Variants in ZNF420 observed in about 807,000 individuals in gnomAD.
ZNF420 encodes the protein ATM and p53-associated KZNF protein.
ZNF420 carries 31 observed loss-of-function variants against 44.7 expected under a neutral mutation model. The observed-to-expected ratio is 0.69, with a 90% CI of 0.52 to 0.94. The LOEUF is 0.94. ZNF420 is among the 40% of genes least tolerant of loss of function. The pLI, the probability that ZNF420 is intolerant of heterozygous loss-of-function variation, is 0.00. For synonymous variants in ZNF420, 245 were observed against 267.4 expected, an observed-to-expected ratio of 0.92 and a Z score of 0.82; for missense variants, 681 against 827.9, an observed-to-expected ratio of 0.82 and a Z score of 2.18.
intron 1 of ZNF420, among the ~76,000 whole-genome samples, chr19:37,045,767 T>C (rs1377046607): frequency 1.3e-5 from 2 of 152,242 alleles, no homozygotes; most frequent in Non-Finnish European, 2.9e-5. Flanking sequence ...GCCTTGTATT[T>C]ATTGATCTTT....
At chr19:37,056,994 C>G (rs1168887748) in intron 1 of ZNF420, among the ~76,000 whole-genome samples, 1 of 152,280 alleles carries the variant, frequency 6.6e-6, no homozygotes, top group Non-Finnish European at 1.5e-5. Context: ...GTCGGCCTAG[C>G]CAATGCGCAT....
intron 1 of ZNF420, among the ~76,000 whole-genome samples, chr19:37,070,097 A>G (rs1968031930): frequency 6.6e-6 from 1 of 152,078 alleles, no homozygotes; most frequent in Non-Finnish European, 1.5e-5. Context: ...TGAATAATGA[A>G]TTCCCAACAT....
chr19:37,034,535 T>C lies in ZNF420; in HGVS notation c.-125+26453T>C, dbSNP rs149709233. ...TTTTTTTCTTTTGTTGCCCACACTT[T>C]TGGTGTCAGACAGCTTTTAGTTTAC... On this transcript the variant is annotated intron_variant, in intron 1 of 4. Coordinates refer to the ZNF420 transcript ENST00000587029. Among the ~76,000 whole-genome samples, 943 of 152,332 alleles carry C rather than the reference T, an allele frequency of 6.2e-3. 28 individuals carry two copies. Among genetic ancestry groups the C allele is most frequent in the East Asian group, 0.05 (258 of 5,188 alleles).
intron 1 of ZNF420, among the ~76,000 whole-genome samples, chr19:37,060,076 T>A (rs953222683): frequency 5.9e-5 from 9 of 151,808 alleles, no homozygotes; most frequent in Non-Finnish European, 1.3e-4. Context: ...GCACTTCGGG[T>A]TTTTGAAGGC....
At chr19:37,102,152 C>A (rs73930905) in intron 4 of ZNF420, among the ~76,000 whole-genome samples, 1 of 152,014 alleles carries the variant, frequency 6.6e-6, no homozygotes, top group African/African-American at 2.4e-5. Flanking sequence ...GCTGATGAGC[C>A]CATCTCAGCC....
chr19:37,052,728 T>G (rs1967662155), intron 1 of ZNF420, among the ~76,000 whole-genome samples: 1 of 152,212 alleles, frequency 6.6e-6, no homozygotes, highest in Non-Finnish European at 1.5e-5. Flanking sequence ...TGCCAAGAGA[T>G]CAGCTGTTAG....
intron 1 of ZNF420, among the ~76,000 whole-genome samples, chr19:37,054,540 C>A (rs1967706619): frequency 6.6e-6 from 1 of 152,212 alleles, no homozygotes; most frequent in South Asian, 2.1e-4. Flanking sequence ...TCTATGAAGA[C>A]AAAACCACAG....
chr19:37,084,317 A>T (rs1968635298), intron 2 of ZNF420, among the ~76,000 whole-genome samples: 1 of 152,158 alleles, frequency 6.6e-6, no homozygotes, highest in Non-Finnish European at 1.5e-5. Context: ...ATGCACAGAT[A>T]AGTTTGTTTC....
chr19:37,063,534 GC>G, intron 1 of ZNF420, among the ~76,000 whole-genome samples: 1 of 150,216 alleles, frequency 6.7e-6, no homozygotes, highest in East Asian at 2.0e-4. Context: ...GCTTCCCCCT[GC>G]ATAGATCTCC....
At chr19:37,125,530 C>T (rs1353009472) in intron 4 of ZNF420, among the ~76,000 whole-genome samples, 2 of 152,140 alleles carry the variant, frequency 1.3e-5, no homozygotes, top group African/African-American at 4.8e-5. Context: ...TACAGAGAAA[C>T]AGGACAAGGG....
At chr19:37,048,868 T>A in intron 1 of ZNF420, among the ~76,000 whole-genome samples, 1 of 56,728 alleles carries the variant, frequency 1.8e-5, no homozygotes, top group African/African-American at 6.5e-5. Context: ...CCCTCCCCCC[T>A]CCCCCACCCC....
At chr19:37,114,978 A>C (rs1428905418) in intron 4 of ZNF420, 2 of 155,342 alleles carry the variant, frequency 1.3e-5, no homozygotes, top group African/African-American at 4.8e-5. Flanking sequence ...TTTTTTGTAG[A>C]GACTCTGACT....
rs149832894 is a variant in ZNF420, at chr19:37,128,885, C to T, written c.1894C>T (p.Arg632Trp). The T allele has an allele frequency of 1.1e-5, 17 of 1,613,816 alleles. No homozygotes were observed. The highest frequency in any genetic ancestry group is 6.7e-5 in the African/African-American group (5 of 74,842). The change falls in exon 5 of 5, where the codon CGG (arginine) becomes TGG (tryptophan). Residue 632 changes from arginine to tryptophan, a missense_variant. By Grantham distance (101) the Arg-to-Trp change is moderately radical (BLOSUM62 -3). Transcript: ENST00000337995. ...CTTTACTCAGAGTTCACATCTTTCT[C>T]GGCATCAGAGAATTCATACTGGTGA... ...KAFTQSSHLS[R>W]HQRIHTGEKP... is the part of the protein sequence containing the mutation.
chr19:37,011,059 T>A (rs1166952848), intron 1 of ZNF420, among the ~76,000 whole-genome samples: 2 of 152,220 alleles, frequency 1.3e-5, no homozygotes, highest in Non-Finnish European at 2.9e-5. Flanking sequence ...GCGGTGGCAC[T>A]GTGCTGTATC....
At chr19:37,110,502 G>C (rs1174490035) in intron 4 of ZNF420, among the ~76,000 whole-genome samples, 1 of 152,188 alleles carries the variant, frequency 6.6e-6, no homozygotes, top group Non-Finnish European at 1.5e-5. Flanking sequence ...TGGTAAATTA[G>C]TGTGTGCTCG....
intron 1 of ZNF420, among the ~76,000 whole-genome samples, chr19:37,012,146 C>T (rs1384466763): frequency 6.6e-6 from 1 of 152,166 alleles, no homozygotes; most frequent in Non-Finnish European, 1.5e-5. Flanking sequence ...GAAGTCGGCA[C>T]AAGGAGGTCT....
At chr19:37,070,394 G>C (rs1968038877) in intron 1 of ZNF420, among the ~76,000 whole-genome samples, 1 of 151,948 alleles carries the variant, frequency 6.6e-6, no homozygotes, top group African/African-American at 2.4e-5. Flanking sequence ...ATGCAAGAAA[G>C]TACAAGCCAT....
intron 1 of ZNF420, among the ~76,000 whole-genome samples, chr19:37,008,872 C>G (rs1177454614): frequency 6.6e-6 from 1 of 152,218 alleles, no homozygotes; most frequent in Admixed American, 6.5e-5. Flanking sequence ...CTTTCCAGTC[C>G]ATCAGGGAGA....
rs1280624091 is a variant in ZNF420, at chr19:37,028,979, A to G, written c.-125+20897A>G. On this transcript the variant is annotated intron_variant, in intron 1 of 4. Coordinates refer to the ZNF420 transcript ENST00000587029. ...TCGACTGTAGGAGTTCTTTCAAGAT[A>G]TGATGAAAAGCAATAATTGTCTCAT... Among the ~76,000 whole-genome samples the G allele has an allele frequency of 3.3e-5, 5 of 152,340 alleles. No individual in the cohort carries two copies. In the East Asian group the frequency reaches 9.6e-4, roughly 29 times the overall value.
Sources: allele counts gnomAD v4.1 joint callset (sites outside exome capture counted in the v4.1 genomes callset), GRCh38; gene constraint gnomAD v4.1.1; transcripts MANE v1.5; gene names NCBI Gene and HGNC (gene_info 2026-07-23, HGNC 2026-07-21).